The following LY96 variants were observed in gnomAD, a reference collection of about 807,000 sequenced individuals.
LY96 encodes lymphocyte antigen 96.
A neutral mutation model predicts 18.9 loss-of-function variants in LY96; 18 were observed. That is an observed-to-expected ratio of 0.95 (90% CI 0.66 to 1.41). LY96 has a LOEUF of 1.41. LY96 is among the 40% of genes most tolerant of loss of function. The pLI is 0.00. For synonymous variants in LY96, 66 were observed against 62.6 expected (o/e 1.06, Z -0.26); for missense variants, 175 against 182.4 (o/e 0.96, Z 0.23).
the LY96 span, among the ~76,000 whole-genome samples, chr8:74,035,829 A>T: frequency 6.6e-6 from 1 of 152,182 alleles, no homozygotes; most frequent in African/African-American, 2.4e-5. Context: ...AATCAGAAAA[A>T]ATTAAAATCT....
chr8:74,029,095 C>A, downstream of LY96: 2 of 1,232,854 alleles, frequency 1.6e-6, no homozygotes, highest in South Asian at 1.2e-5. Flanking sequence ...AGGTATTGTT[C>A]CTGTTTTAAG....
the LY96 span, among the ~76,000 whole-genome samples, chr8:74,088,128 TAGAATAGAATAGAATAGAATAGAAA>T: frequency 2.6e-5 from 4 of 151,834 alleles, no homozygotes; most frequent in African/African-American, 9.7e-5. Flanking sequence ...TAGAATAGAA[TAGAATAGAATAGAATAGAATAGAAA>T]AGAATAGAAA....
At chr8:74,067,199 C>T in the LY96 span, among the ~76,000 whole-genome samples, 3 of 152,042 alleles carry the variant, frequency 2.0e-5, no homozygotes, top group East Asian at 1.9e-4. Context: ...CTTAACTTCC[C>T]GGCTTTATTT....
the LY96 span, among the ~76,000 whole-genome samples, chr8:74,073,540 C>A: frequency 1.3e-5 from 2 of 152,098 alleles, no homozygotes; most frequent in African/African-American, 4.8e-5. Context: ...TAATCAGACA[C>A]TCAAGTGTAG....
chr8:74,004,254 C>T (rs201370065), intron 1 of LY96, among the ~76,000 whole-genome samples: 2 of 152,236 alleles, frequency 1.3e-5, no homozygotes, highest in East Asian at 3.8e-4. Flanking sequence ...GCCCAAGCCA[C>T]TGCCTTTATT....
intron 3 of LY96, among the ~76,000 whole-genome samples, chr8:74,011,452 T>C (rs1206875616): frequency 6.6e-6 from 1 of 152,188 alleles, no homozygotes; most frequent in African/African-American, 2.4e-5. Flanking sequence ...AGACAACCTG[T>C]AGTATATGAG....
intron 1 of LY96, among the ~76,000 whole-genome samples, chr8:73,996,369 ATTCCTTTC>A (rs1378999104): frequency 0.012 from 628 of 53,734 alleles, 14 homozygotes; most frequent in African/African-American, 0.021. Context: ...TCCTTCCTTC[ATTCCTTTC>A]TTTCTTTCTT....
chr8:74,064,481 GTTTA>G, the LY96 span, among the ~76,000 whole-genome samples: 1 of 152,060 alleles, frequency 6.6e-6, no homozygotes, highest in Non-Finnish European at 1.5e-5. Context: ...TTTAAAAATT[GTTTA>G]TTTATTTTTT....
chr8:74,080,675 T>C, the LY96 span, among the ~76,000 whole-genome samples: 1 of 152,194 alleles, frequency 6.6e-6, no homozygotes, highest in East Asian at 1.9e-4. Flanking sequence ...AAAAGCTCCC[T>C]ATGTGCTTTT....
the LY96 span, among the ~76,000 whole-genome samples, chr8:74,078,177 C>T: frequency 6.6e-6 from 1 of 151,748 alleles, no homozygotes; most frequent in Non-Finnish European, 1.5e-5. Context: ...CTTTCATATG[C>T]TAGAATTCAA....
At chr8:74,020,807 C>A (rs1816742912) in intron 3 of LY96, among the ~76,000 whole-genome samples, 1 of 152,144 alleles carries the variant, frequency 6.6e-6, no homozygotes, top group Admixed American at 6.5e-5. Context: ...CTGACAAAAA[C>A]AAGCAATGGG....
the LY96 span, among the ~76,000 whole-genome samples, chr8:74,054,586 CCTTTCTTT>C: frequency 1.8e-5 from 2 of 112,828 alleles, no homozygotes; most frequent in Non-Finnish European, 3.4e-5. Flanking sequence ...CCCCCTCCCT[CCTTTCTTT>C]CTTTCTTTCT....
the LY96 span, among the ~76,000 whole-genome samples, chr8:74,068,128 T>G: frequency 6.8e-6 from 1 of 147,262 alleles, no homozygotes; most frequent in African/African-American, 2.6e-5. Flanking sequence ...CCCAAAGATT[T>G]TCTTGCTCTC....
intron 1 of LY96, among the ~76,000 whole-genome samples, chr8:74,001,273 G>C (rs1279844729): frequency 6.6e-6 from 1 of 151,160 alleles, no homozygotes; most frequent in Non-Finnish European, 1.5e-5. Flanking sequence ...ATACAGGCTG[G>C]AGTGCAGAGG....
the LY96 span, among the ~76,000 whole-genome samples, chr8:74,076,997 A>C: frequency 6.6e-6 from 1 of 152,142 alleles, no homozygotes; most frequent in Non-Finnish European, 1.5e-5. Context: ...TGAGTTTGAT[A>C]ATTTGCTACA....
chr8:74,006,149 G>T (rs1311468101), intron 2 of LY96, among the ~76,000 whole-genome samples: 2 of 152,134 alleles, frequency 1.3e-5, no homozygotes, highest in Non-Finnish European at 2.9e-5. Context: ...TAAATTGTAA[G>T]TATCATGCTA....
chr8:74,075,612 T>C, the LY96 span, among the ~76,000 whole-genome samples: 1 of 152,206 alleles, frequency 6.6e-6, no homozygotes, highest in Non-Finnish European at 1.5e-5. Flanking sequence ...TTAATGGAAA[T>C]GTATCGATAT....
the LY96 span, among the ~76,000 whole-genome samples, chr8:74,082,026 C>A: frequency 1.3e-5 from 2 of 152,204 alleles, no homozygotes; most frequent in Non-Finnish European, 2.9e-5. Flanking sequence ...GCCATTCCAG[C>A]AGATTGGCTT....
At chr8:74,059,548 G>A in the LY96 span, among the ~76,000 whole-genome samples, 3 of 152,092 alleles carry the variant, frequency 2.0e-5, no homozygotes, top group African/African-American at 4.8e-5. Context: ...CCATATACCC[G>A]TTGGAAAAGG....
Sources: allele counts gnomAD v4.1 joint callset (sites outside exome capture counted in the v4.1 genomes callset), GRCh38; gene constraint gnomAD v4.1.1; transcripts MANE v1.5; gene names NCBI Gene and HGNC (gene_info 2026-07-23, HGNC 2026-07-21).